ZNF777: variants seen among roughly 807,000 people sequenced by gnomAD.
ZNF777 encodes the protein zinc finger protein 777.
In ZNF777, 7 loss-of-function variants were observed where a neutral mutation model predicts 72.1. The ratio of observed to expected loss-of-function variants is 0.10; its 90% CI spans 0.06 to 0.18. The LOEUF is 0.18. ZNF777 is among the 10% of genes least tolerant of loss of function. The pLI is 1.00. For missense variants in ZNF777, 828 were observed against 1,128.6 expected (o/e 0.73, Z 3.82); for synonymous variants, 545 against 483.5 (o/e 1.13, Z -1.67).
intron 4 of ZNF777, among the ~76,000 whole-genome samples, chr7:149,448,570 T>TATATATA (rs1799654215): frequency 3.0e-5 from 2 of 66,442 alleles, no homozygotes; most frequent in African/African-American, 1.7e-4. Flanking sequence ...TATATAGTTA[T>TATATATA]ACATATAACT....
Position 149,455,935 on chromosome 7 carries a change from C to T in ZNF777, c.88G>A (p.Glu30Lys), listed in dbSNP as rs1799819982. The T allele has an allele frequency of 6.2e-7, 1 of 1,613,488 alleles. No homozygotes were observed. The highest frequency in any genetic ancestry group is 8.5e-7 in the Non-Finnish European group (1 of 1,179,944). ...LRQAPAGLPR[E>K]TLFQSRVLPP... The stretch of plus-strand genomic sequence containing the variant: ...AGAACGCGGGATTGGAACAGAGTTT[C>T]TCGGGGGAGTCCAGCAGGGGCCTGA... The change falls in exon 2 of 6, where the codon GAA becomes AAA. Residue 30 changes from glutamate to lysine, a missense_variant. Glu to Lys is a moderately conservative substitution (Grantham distance 56). Coordinates refer to ENST00000247930, the MANE Select transcript of ZNF777 (RefSeq NM_015694.3). This position sits in a 1 kb window ranked among gnomAD's most constrained non-coding sequence, Gnocchi z 4.2.
chr7:149,436,532 C>T lies in ZNF777; in HGVS notation c.1339+43G>A. 1 of 1,547,212 alleles carries T rather than the reference C, an allele frequency of 6.5e-7. No homozygotes were observed. ...CAGGGGGCAGGGGCCCTCTGGGAGG[C>T]CTCATGGCAACCCTTCCCCGGCCGT... On this transcript the variant is annotated intron_variant, in intron 5 of 5. Coordinates refer to ENST00000247930, the MANE Select transcript of ZNF777 (RefSeq NM_015694.3). The surrounding 1 kb of genome is among the most constrained non-coding windows in gnomAD (Gnocchi z 5.0).
chr7:149,458,580 GGCA>G (rs1799879459), intron 1 of ZNF777, among the ~76,000 whole-genome samples: 1 of 151,986 alleles, frequency 6.6e-6, no homozygotes, highest in African/African-American at 2.4e-5. Context: ...AGCAGACCAA[GGCA>G]TCTTTACCAG....
At chr7:149,457,304 CT>C (rs1799852453) in intron 1 of ZNF777, among the ~76,000 whole-genome samples, 1 of 152,196 alleles carries the variant, frequency 6.6e-6, no homozygotes, top group Non-Finnish European at 1.5e-5. Context: ...ACAATTTCTC[CT>C]GTAACAATTT....
chr7:149,434,813 C>T (rs1355969710), intron 5 of ZNF777, among the ~76,000 whole-genome samples: 1 of 152,146 alleles, frequency 6.6e-6, no homozygotes, highest in Non-Finnish European at 1.5e-5. Flanking sequence ...GAACTCCTAA[C>T]CTCAAGTGAT....
chr7:149,458,538 AAAC>A (rs1224994467), intron 1 of ZNF777, among the ~76,000 whole-genome samples: 1 of 149,700 alleles, frequency 6.7e-6, no homozygotes, highest in Non-Finnish European at 1.5e-5. Flanking sequence ...AAACAAAACA[AAAC>A]AAAACCCTCC....
In ZNF777 at chr7:149,449,101, G is replaced by A. The variant is rs183896906; in HGVS notation, c.1087+1898C>T. ...GGACAGGTTACCACTGGAGTGCTAC[G>A]GCTCTGATACCTGCAGTTTTGCAGA... On this transcript the variant is annotated intron_variant, in intron 4 of 5. Transcript: ENST00000247930. Among the ~76,000 whole-genome samples, 50 of 152,330 alleles carry A rather than the reference G, an allele frequency of 3.3e-4. No homozygotes were observed. In the East Asian group the frequency reaches 8.3e-3, roughly 25 times the overall value.
At chr7:149,459,456 G>T (rs569628433) in intron 1 of ZNF777, among the ~76,000 whole-genome samples, 1 of 152,080 alleles carries the variant, frequency 6.6e-6, no homozygotes, top group Non-Finnish European at 1.5e-5. Flanking sequence ...AGCTCAGAGG[G>T]TCACCTGCTC....
intron 1 of ZNF777, chr7:149,459,749 C>G (rs1276588676): frequency 1.0e-6 from 1 of 984,988 alleles, no homozygotes; most frequent in South Asian, 4.7e-5. Flanking sequence ...CGCGTCAGCG[C>G]CGCGCCCGGG....
In ZNF777 at chr7:149,436,816, C is replaced by T; in HGVS notation, c.1098G>A (p.Gly366=). The change falls in exon 5 of 6, where the codon GGG becomes GGA. Residue 366 remains glycine (G), a synonymous_variant. Coordinates refer to ENST00000247930, the MANE Select transcript of ZNF777 (RefSeq NM_015694.3). This position sits in a 1 kb window ranked among gnomAD's most constrained non-coding sequence, Gnocchi z 5.0. ...TCTGTACCTCGATCTTAATCACGAT[C>T]CCATCGTGCGCTGAGAGAGGGTGGG... The part of the protein sequence containing the change: ...TPTDPSAAHD[G]IVIKIEVQTN... The T allele has an allele frequency of 6.2e-7, 1 of 1,609,962 alleles. No individual in the cohort carries two copies. Among genetic ancestry groups the T allele is most frequent in the Non-Finnish European group, 8.5e-7 (1 of 1,176,490 alleles).
At chr7:149,459,593 G>A (rs1799904703) in intron 1 of ZNF777, 12 of 974,550 alleles carry the variant, frequency 1.2e-5, no homozygotes, top group Non-Finnish European at 1.3e-5. Flanking sequence ...CCCCCTCCCC[G>A]TCCAGGCCCG....
rs537891335 is a variant in ZNF777, at chr7:149,438,005, G to A, written c.1088-1179C>T. On this transcript the variant is annotated intron_variant, in intron 4 of 5. Coordinates refer to ENST00000247930, the MANE Select transcript of ZNF777 (RefSeq NM_015694.3). Reference sequence around the variant, plus strand: ...AGCGATTCTCCTGCCTCAGCCTCCCGAGCAGCTGGGATTACAGGCACCCGC... The same window carrying A: ...AGCGATTCTCCTGCCTCAGCCTCCCAAGCAGCTGGGATTACAGGCACCCGC... 1.4e-3 allele frequency among the ~76,000 whole-genome samples: 205 copies of A among 150,912 alleles called. 6 individuals are homozygous for A. The highest frequency in any genetic ancestry group is 0.012 in the Admixed American group (181 of 15,144).
Position 149,436,452 on chromosome 7 carries a change from C to T in ZNF777, c.1339+123G>A. On this transcript the variant is annotated intron_variant, in intron 5 of 5. Transcript: ENST00000247930. The surrounding 1 kb of genome is among the most constrained non-coding windows in gnomAD (Gnocchi z 5.0). ...CGAGGCCGTGCTTGGTAATTCTTTC[C>T]CACCTGTTGCCCCATCAGTGTCCAG... 8.3e-7 allele frequency: 1 copy of T among 1,197,910 alleles called. No individual in the cohort carries two copies. Among genetic ancestry groups the T allele is most frequent in the East Asian group, 2.4e-5 (1 of 42,160 alleles). The allele number at this position is 1,197,910 out of a possible 1,614,324, so 74.2% of individuals were successfully genotyped here. A position where few individuals can be genotyped will look rare whatever the true frequency, so the allele number is the denominator to read the frequency against.
chr7:149,448,788 T>C (rs1253152634), intron 4 of ZNF777, among the ~76,000 whole-genome samples: 1 of 151,868 alleles, frequency 6.6e-6, no homozygotes, highest in Non-Finnish European at 1.5e-5. Context: ...TTCTCTGGCC[T>C]CCATGGCCAC....
rs199943968 is a variant in ZNF777 at position 149,455,767 on chromosome 7, C to T, written c.256G>A (p.Ala86Thr). Residue 86 changes from alanine to threonine, a missense_variant, in exon 2 of 6, where the codon GCT becomes ACT. This residue lies in a region of ZNF777 where 222 missense variants were observed against 211.2 expected (regional missense o/e 1.05). Coordinates refer to ENST00000247930, the MANE Select transcript of ZNF777 (RefSeq NM_015694.3). This position sits in a 1 kb window ranked among gnomAD's most constrained non-coding sequence, Gnocchi z 4.2. Reference sequence around the variant, plus strand: ...TGGAGAGAAGTCTCTTGCTCAGAAGCGGCAGAACACAGGAGTGAGGGTCCC... The same window carrying T: ...TGGAGAGAAGTCTCTTGCTCAGAAGTGGCAGAACACAGGAGTGAGGGTCCC... ...QKGPSLLCSAASEQETSLQGP... is the reference protein window; with the variant it reads ...QKGPSLLCSATSEQETSLQGP... The T allele has an allele frequency of 1.9e-4, 302 of 1,601,844 alleles. No homozygotes were observed. In the African/African-American group the frequency reaches 3.2e-3, roughly 17 times the overall value.
At chr7:149,456,703 C>T (rs746851457) in intron 1 of ZNF777, among the ~76,000 whole-genome samples, 15 of 152,206 alleles carry the variant, frequency 9.9e-5, no homozygotes, top group Non-Finnish European at 1.8e-4. Flanking sequence ...CCTTCCTTCG[C>T]TTGGTCCAAA....
intron 1 of ZNF777, chr7:149,459,763 G>C: frequency 1.0e-6 from 1 of 984,850 alleles, no homozygotes. Flanking sequence ...GCCCGGGCCG[G>C]GGAAGGCTCC....
intron 4 of ZNF777, among the ~76,000 whole-genome samples, chr7:149,448,507 A>ATC (rs1799648235): frequency 7.8e-6 from 1 of 127,446 alleles, no homozygotes; most frequent in African/African-American, 3.1e-5. Context: ...ATATATATAT[A>ATC]TATAACTATA....
intron 5 of ZNF777, among the ~76,000 whole-genome samples, chr7:149,434,755 A>ATACTT (rs1402164619): frequency 2.6e-5 from 4 of 151,890 alleles, no homozygotes; most frequent in Non-Finnish European, 5.9e-5. Flanking sequence ...GCTAATTTTT[A>ATACTT]TACTTTTAGT....
Sources: allele counts gnomAD v4.1 joint callset (sites outside exome capture counted in the v4.1 genomes callset), GRCh38; gene constraint gnomAD v4.1.1; regional missense constraint gnomAD v4.1.1; non-coding constraint Gnocchi (gnomAD v3.1); transcripts MANE v1.5; gene names NCBI Gene and HGNC (gene_info 2026-07-23, HGNC 2026-07-21).